HSP90AA1: variants seen among roughly 807,000 people sequenced by gnomAD.
HSP90AA1 encodes heat shock protein 90 alpha family class A member 1.
HSP90AA1 carries 18 observed loss-of-function variants against 73.3 expected under a neutral mutation model. That is an observed-to-expected ratio of 0.25 (90% CI 0.17 to 0.36). HSP90AA1 has a LOEUF of 0.36. Ranked by LOEUF, HSP90AA1 falls within the 10% of genes least tolerant of loss-of-function variation. HSP90AA1 has a pLI of 1.00. For synonymous variants in HSP90AA1, 477 were observed against 296.9 expected (o/e 1.61, Z -6.24); for missense variants, 704 against 874.2 (o/e 0.81, Z 2.45).
At chr14:102,117,911 A>C (rs1390550263) in intron 1 of HSP90AA1, among the ~76,000 whole-genome samples, 1 of 152,108 alleles carries the variant, frequency 6.6e-6, no homozygotes, top group Non-Finnish European at 1.5e-5. Flanking sequence ...TCTAGGCACC[A>C]CTGCATTCCC....
intron 1 of HSP90AA1, among the ~76,000 whole-genome samples, chr14:102,137,051 T>C (rs939717218): frequency 5.9e-5 from 9 of 151,490 alleles, no homozygotes; most frequent in Admixed American, 3.3e-4. Flanking sequence ...CCGTCTCTAC[T>C]AAAAATACAA....
intron 6 of HSP90AA1, 182 bp downstream of exon 6, chr14:102,084,217 T>C: frequency 2.9e-6 from 2 of 689,042 alleles, no homozygotes; most frequent in Non-Finnish European, 5.0e-6. Context: ...GGGCTAATTT[T>C]TGTAATTTAG....
intron 1 of HSP90AA1, among the ~76,000 whole-genome samples, chr14:102,133,278 C>CACAAA (rs1446500267): frequency 3.9e-5 from 6 of 151,966 alleles, no homozygotes; most frequent in Non-Finnish European, 8.8e-5. Context: ...AAAACTCCAT[C>CACAAA]ACAAAACAAA....
In HSP90AA1 at chr14:102,086,564, T is replaced by G. The variant is rs534522717; in HGVS notation, c.1-186A>C. The stretch of plus-strand genomic sequence containing the variant: ...CGGAGCGCGGCAACTACCACGAGCG[T>G]GTGCGCGCTTCCGGGAGGCCGCCGC... On this transcript the variant is annotated intron_variant, in intron 1 of 10. Transcript: ENST00000216281. Among the ~76,000 whole-genome samples, 17 of 152,116 alleles carry G rather than the reference T, an allele frequency of 1.1e-4. No homozygotes were observed. In the South Asian group the frequency reaches 3.5e-3, roughly 32 times the overall value.
At chr14:102,110,282 C>T (rs2049622763) in intron 1 of HSP90AA1, among the ~76,000 whole-genome samples, 1 of 152,136 alleles carries the variant, frequency 6.6e-6, no homozygotes, top group African/African-American at 2.4e-5. Flanking sequence ...TGCTCCTGCC[C>T]TGCCCTAAAG....
At chr14:102,085,113 C>T in intron 4 of HSP90AA1, 115 bp from the exon 5 acceptor site, 1 of 1,549,078 alleles carries the variant, frequency 6.5e-7, no homozygotes, top group African/African-American at 1.4e-5. Flanking sequence ...TGAGAAGCAC[C>T]CAGCTTTTCA....
At chr14:102,129,968 T>C (rs1484770155) in intron 1 of HSP90AA1, among the ~76,000 whole-genome samples, 1 of 152,024 alleles carries the variant, frequency 6.6e-6, no homozygotes, top group Non-Finnish European at 1.5e-5. Flanking sequence ...GTGAAATTTT[T>C]TTTTTGTTTT....
intron 1 of HSP90AA1, among the ~76,000 whole-genome samples, chr14:102,127,038 CTTT>C (rs34283559): frequency 3.4e-5 from 5 of 146,406 alleles, no homozygotes; most frequent in Non-Finnish European, 4.5e-5. Flanking sequence ...GTGAGAAGTA[CTTT>C]TTTTTTTTTT....
chr14:102,090,730 C>G (rs781285324), upstream of HSP90AA1, among the ~76,000 whole-genome samples: 1 of 152,194 alleles, frequency 6.6e-6, no homozygotes, highest in South Asian at 2.1e-4. Context: ...GGATTAGAGG[C>G]GTGAGCCACA....
intron 1 of HSP90AA1, among the ~76,000 whole-genome samples, chr14:102,130,863 T>C (rs1321429032): frequency 2.0e-5 from 3 of 151,954 alleles, no homozygotes; most frequent in Admixed American, 6.6e-5. Context: ...CTAGGATTGC[T>C]AGAATACACC....
At position 102,083,805 on chromosome 14, in the gene HSP90AA1, A is replaced by G. The variant is rs2049154362; in HGVS notation, c.1326T>C (p.Ser442=). Residue 442 remains serine (S), a synonymous_variant, in exon 7 of 11, where the codon TCT becomes TCC. Transcript: ENST00000216281. ...ENYKKFYEQF[S]KNIKLGIHED... is the part of the protein sequence containing the mutation. ...TATTTACACCAACCTTTATGTTTTT[A>G]GAGAACTGCTCATAGAATTTCTTGT... 2 of 1,611,778 alleles carry G rather than the reference A, an allele frequency of 1.2e-6. No homozygotes were observed. Among genetic ancestry groups the G allele is most frequent in the Non-Finnish European group, 1.7e-6 (2 of 1,179,152 alleles).
intron 1 of HSP90AA1, among the ~76,000 whole-genome samples, chr14:102,123,859 G>T (rs1172057022): frequency 6.6e-6 from 1 of 152,070 alleles, no homozygotes; most frequent in East Asian, 1.9e-4. Context: ...GGAGTGCAGG[G>T]GTGTAAACAT....
intron 1 of HSP90AA1, among the ~76,000 whole-genome samples, chr14:102,129,673 T>C (rs1186414305): frequency 2.0e-5 from 3 of 151,956 alleles, no homozygotes; most frequent in Non-Finnish European, 4.4e-5. Context: ...CAGCTAATTT[T>C]TGTATTTTTT....
At chr14:102,115,942 T>A (rs1370435899) in intron 1 of HSP90AA1, among the ~76,000 whole-genome samples, 2 of 151,832 alleles carry the variant, frequency 1.3e-5, no homozygotes, top group African/African-American at 4.8e-5. Flanking sequence ...TTCTTAAGTT[T>A]AAGACCGAGC....
At position 102,082,310 on chromosome 14, in the gene HSP90AA1, T is replaced by C; in HGVS notation, c.1890A>G (p.Ala630=). The C allele has an allele frequency of 6.2e-7, 1 of 1,613,994 alleles. No homozygotes were observed. The highest frequency in any genetic ancestry group is 1.1e-5 in the South Asian group (1 of 91,078). The change falls in exon 10 of 11, where the codon GCA becomes GCG. Residue 630 remains alanine (A), a synonymous_variant. Transcript: ENST00000216281. ...CAGGGTTTATCTCCAGGTGTTTCTT[T>C]GCTGCCATGTAACCCATTGTTGAGT... ...RDNSTMGYMA[A]KKHLEINPDH... is the part of the protein sequence containing the mutation.
intron 1 of HSP90AA1, among the ~76,000 whole-genome samples, chr14:102,133,482 G>GT (rs1489380221): frequency 1.8e-4 from 18 of 98,808 alleles, no homozygotes; most frequent in African/African-American, 4.9e-4. Context: ...ATTTAAACTA[G>GT]TTCTTTTTTT....
chr14:102,133,483 TTC>T (rs1259470420), intron 1 of HSP90AA1, among the ~76,000 whole-genome samples: 8 of 62,480 alleles, frequency 1.3e-4, no homozygotes, highest in East Asian at 7.1e-4. Context: ...TTTAAACTAG[TTC>T]TTTTTTTTTT....
In HSP90AA1 at chr14:102,087,007, G is replaced by T; in HGVS notation, c.-22C>A. ...TCACCTTGGCTAAGTGACCGCACAG[G>T]ACCAACGGCACAGCCACACCGGGAC... On this transcript the variant is annotated 5_prime_UTR_variant, in exon 1 of 11. Coordinates refer to ENST00000216281, the MANE Select transcript of HSP90AA1 (RefSeq NM_005348.4). The T allele has an allele frequency of 3.0e-6, 3 of 985,308 alleles. No individual in the cohort carries two copies. Among genetic ancestry groups the T allele is most frequent in the Non-Finnish European group, 3.6e-6 (3 of 830,124 alleles). The allele number at this position is 985,308 out of a possible 1,614,324, so 61.0% of individuals were successfully genotyped here.
chr14:102,137,550 C>T (rs2050022292), intron 1 of HSP90AA1, among the ~76,000 whole-genome samples: 1 of 151,854 alleles, frequency 6.6e-6, no homozygotes, highest in Non-Finnish European at 1.5e-5. Flanking sequence ...GTCTCAAACT[C>T]CTGACCTCGT....
Sources: allele counts gnomAD v4.1 joint callset (sites outside exome capture counted in the v4.1 genomes callset), GRCh38; gene constraint gnomAD v4.1.1; transcripts MANE v1.5; gene names NCBI Gene and HGNC (gene_info 2026-07-23, HGNC 2026-07-21).